The following CCDC9 variants were observed in gnomAD, a reference collection of about 807,000 sequenced individuals.
CCDC9 encodes the protein coiled-coil domain containing 9, also known as coiled-coil domain-containing protein 9.
Under a neutral mutation model 65.6 loss-of-function variants are expected in CCDC9, and 52 were observed. The ratio of observed to expected loss-of-function variants is 0.79; its 90% CI spans 0.63 to 1.00. CCDC9 has a LOEUF of 1.00. Among genes scored for constraint, CCDC9 ranks in the 50% least tolerant of loss-of-function variants. CCDC9 has a pLI of 0.00. For synonymous variants in CCDC9, 332 were observed against 280.3 expected (o/e 1.18, Z -1.84); for missense variants, 834 against 757.2 (o/e 1.10, Z -1.19).
At chr19:47,260,907 T>C in intron 5 of CCDC9, 68 bp downstream of exon 5, 1 of 1,538,118 alleles carries the variant, frequency 6.5e-7, no homozygotes, top group South Asian at 1.2e-5. Flanking sequence ...TTTTTCCTCC[T>C]CTCAGATGCA....
In CCDC9 at chr19:47,271,255, C is replaced by T. The variant is rs1431103843; in HGVS notation, c.1192-19C>T. ...GCTCAGGACCTGTGCCTTGCCCTGA[C>T]TTGCCTGTGTCCCCAAAGCCACCCG... is the stretch of plus-strand genomic sequence containing the variant. On this transcript the variant is annotated intron_variant, in intron 11 of 11. Coordinates refer to ENST00000221922, the MANE Select transcript of CCDC9 (RefSeq NM_015603.3). 1 of 1,611,160 alleles carries T rather than the reference C, an allele frequency of 6.2e-7. No individual in the cohort carries two copies. Among genetic ancestry groups the T allele is most frequent in the African/African-American group, 1.3e-5 (1 of 74,968 alleles).
intron 8 of CCDC9, among the ~76,000 whole-genome samples, chr19:47,270,051 C>T (rs1180272241): frequency 1.3e-5 from 2 of 151,908 alleles, no homozygotes; most frequent in African/African-American, 2.4e-5. Context: ...TCACTGCAGC[C>T]TTGACCTCCC....
chr19:47,260,997 C>T (rs183203968), intron 5 of CCDC9, among the ~76,000 whole-genome samples, 158 bp downstream of exon 5: 2 of 152,078 alleles, frequency 1.3e-5, no homozygotes, highest in Non-Finnish European at 2.9e-5. Flanking sequence ...CCTCCACCTC[C>T]TTCTCCTCCT....
At chr19:47,269,406 G>A (rs1162534242) in intron 8 of CCDC9, among the ~76,000 whole-genome samples, 1 of 151,886 alleles carries the variant, frequency 6.6e-6, no homozygotes, top group Non-Finnish European at 1.5e-5. Flanking sequence ...CCAGGCTAGA[G>A]TGCAGTGGTG....
intron 7 of CCDC9, 117 bp from the exon 8 acceptor site, chr19:47,266,494 G>C: frequency 7.0e-7 from 1 of 1,419,310 alleles, no homozygotes; most frequent in East Asian, 2.7e-5. Context: ...AGTTGATTGT[G>C]ATCTCTGCCT....
At chr19:47,258,492 C>G in intron 2 of CCDC9, 67 bp from the exon 3 acceptor site, 1 of 1,605,894 alleles carries the variant, frequency 6.2e-7, no homozygotes, top group South Asian at 1.1e-5. Flanking sequence ...CTCTCAGACC[C>G]TGGGGGAAAG....
intron 4 of CCDC9, 72 bp from the exon 5 acceptor site, chr19:47,260,516 T>TG (rs2123446407): frequency 6.3e-7 from 1 of 1,589,186 alleles, no homozygotes; most frequent in South Asian, 1.1e-5. Flanking sequence ...CCTGCACCAG[T>TG]GGGTGGCCTC....
downstream of CCDC9, chr19:47,275,281 AC>A (rs1428966928): frequency 1.9e-6 from 3 of 1,545,336 alleles, no homozygotes; most frequent in South Asian, 1.2e-5. Context: ...AGCGACCCTG[AC>A]CGCCGTCCGA....
intron 3 of CCDC9, among the ~76,000 whole-genome samples, chr19:47,259,480 C>T (rs746311501): frequency 1.3e-5 from 2 of 152,010 alleles, no homozygotes; most frequent in Non-Finnish European, 2.9e-5. Flanking sequence ...AGGTACCTGG[C>T]TCAGGGCAGG....
chr19:47,265,614 T>C (rs1452309718), intron 7 of CCDC9, among the ~76,000 whole-genome samples: 1 of 152,122 alleles, frequency 6.6e-6, no homozygotes, highest in Non-Finnish European at 1.5e-5. Context: ...GTTTGAGGGT[T>C]TTCTTGTTAC....
downstream of CCDC9, among the ~76,000 whole-genome samples, chr19:47,272,924 TG>T: frequency 6.6e-6 from 1 of 150,540 alleles, no homozygotes; most frequent in Non-Finnish European, 1.5e-5. Flanking sequence ...ATTAGGATTT[TG>T]GGGGCAGAGC....
intron 3 of CCDC9, among the ~76,000 whole-genome samples, 166 bp downstream of exon 3, chr19:47,258,829 C>T (rs2059027848): frequency 6.6e-6 from 1 of 152,238 alleles, no homozygotes; most frequent in South Asian, 2.1e-4. Flanking sequence ...TTCATTCATT[C>T]ATTCATTTGT....
chr19:47,275,634 C>T (rs1443369490), downstream of CCDC9: 3 of 472,908 alleles, frequency 6.3e-6, no homozygotes, highest in African/African-American at 4.1e-5. Context: ...GCCCACAGCC[C>T]ATCTGCCTCT....
downstream of CCDC9, chr19:47,273,595 G>C: frequency 2.5e-6 from 1 of 404,718 alleles, no homozygotes. Context: ...TCTGCGAGCC[G>C]GGCGGGGCCA....
chr19:47,265,064 CT>C (rs201113712), intron 7 of CCDC9, 118 bp downstream of exon 7: 10,515 of 659,326 alleles, frequency 0.016, no homozygotes, highest in Non-Finnish European at 0.018. Flanking sequence ...CAGCACAGGA[CT>C]TTTTTTTTTT....
chr19:47,260,333 G>T lies in CCDC9; in HGVS notation c.121G>T (p.Asp41Tyr). Reference sequence around the variant, plus strand: ...TGTCTGCTCCTAGGAGATTGAGGAAGACCGTAAGAAAGCTGAACTTGAGGG... The same window carrying T: ...TGTCTGCTCCTAGGAGATTGAGGAATACCGTAAGAAAGCTGAACTTGAGGG... The part of the protein sequence containing the change: ...LIRRYQEIEE[D>Y]RKKAELEGVA... Residue 41 changes from aspartate (D) to tyrosine (Y), a missense_variant, in exon 4 of 12, where the codon GAC becomes TAC. Asp to Tyr is a radical substitution (Grantham distance 160). Transcript: ENST00000221922. The T allele has an allele frequency of 1.3e-6, 2 of 1,591,394 alleles. No individual in the cohort carries two copies. Among genetic ancestry groups the T allele is most frequent in the South Asian group, 2.3e-5 (2 of 87,852 alleles).
At chr19:47,274,755 C>T (rs1319591859), downstream of CCDC9, 8 of 320,130 alleles carry the variant, frequency 2.5e-5, no homozygotes, top group Non-Finnish European at 3.8e-5. Context: ...AGGGGGTGGG[C>T]CTAGGATGCG....
chr19:47,259,107 A>G (rs954345317), intron 3 of CCDC9, among the ~76,000 whole-genome samples: 1 of 152,192 alleles, frequency 6.6e-6, no homozygotes, highest in Non-Finnish European at 1.5e-5. Context: ...TTGAGTGGTG[A>G]GTAGACAATA....
chr19:47,258,307 C>A, intron 1 of CCDC9, 23 bp from the exon 2 acceptor site: 1 of 1,411,898 alleles, frequency 7.1e-7, no homozygotes, highest in Non-Finnish European at 1.0e-6. Context: ...TGGCCTTTGT[C>A]CTTTTTTTCC....
Sources: gnomAD v4.1 joint callset for allele counts (sites outside exome capture counted in the v4.1 genomes callset) on GRCh38, gnomAD v4.1.1 for gene constraint, MANE v1.5 for transcripts, NCBI Gene and HGNC (gene_info 2026-07-23, HGNC 2026-07-21) for gene names.